MELK: variants seen among roughly 807,000 people sequenced by gnomAD.
MELK encodes the protein pEg3 kinase.
Under a neutral mutation model 85.0 loss-of-function variants are expected in MELK, and 81 were observed. The ratio of observed to expected loss-of-function variants is 0.95; its 90% CI spans 0.80 to 1.15. MELK has a LOEUF of 1.15. Ranked by LOEUF, MELK falls within the 50% of genes most tolerant of loss-of-function variation. The pLI is 0.00. For synonymous variants in MELK, 252 were observed against 265.0 expected (o/e 0.95, Z 0.48); for missense variants, 754 against 777.5 (o/e 0.97, Z 0.36).
chr9:36,672,869 C>A (rs6476569), intron 16 of MELK, among the ~76,000 whole-genome samples: 4,313 of 152,248 alleles, frequency 0.028, 200 homozygotes, highest in African/African-American at 0.098. Context: ...TTAGCACAGT[C>A]CTAAGATTGA....
intron 11 of MELK, among the ~76,000 whole-genome samples, chr9:36,645,316 T>TTTTTTTTTTTTTTTTTTTTTTTTGAGAC (rs1830129981): frequency 1.3e-5 from 2 of 151,348 alleles, no homozygotes; most frequent in African/African-American, 4.9e-5. Context: ...AAAAAGTCTT[T>TTTTTTTTTTTTTTTTTTTTTTTTGAGAC]AAAATGGTAT....
chr9:36,577,448 G>A (rs1306075737), intron 1 of MELK, among the ~76,000 whole-genome samples: 1 of 152,002 alleles, frequency 6.6e-6, no homozygotes, highest in African/African-American at 2.4e-5. Context: ...CCTGGGAGGC[G>A]CAGGTTGCAG....
intron 10 of MELK, among the ~76,000 whole-genome samples, chr9:36,638,592 C>T (rs576640053): frequency 7.9e-5 from 12 of 152,180 alleles, no homozygotes; most frequent in African/African-American, 2.9e-4. Flanking sequence ...GCCTCCCTTA[C>T]ATCTTAATTT....
chr9:36,616,435 G>C (rs1826808600), intron 8 of MELK, among the ~76,000 whole-genome samples: 1 of 143,806 alleles, frequency 7.0e-6, no homozygotes, highest in Non-Finnish European at 1.5e-5. Context: ...TGTCACCCAG[G>C]CTGGAGTGCA....
chr9:36,618,098 C>T (rs1485577836), intron 8 of MELK, among the ~76,000 whole-genome samples: 1 of 151,602 alleles, frequency 6.6e-6, no homozygotes, highest in East Asian at 1.9e-4. Context: ...CATTGCATTC[C>T]AGCCCAGGCC....
intron 3 of MELK, among the ~76,000 whole-genome samples, chr9:36,588,791 T>A (rs1445999012): frequency 6.6e-6 from 1 of 152,178 alleles, no homozygotes; most frequent in Non-Finnish European, 1.5e-5. Flanking sequence ...CCCAACTTTT[T>A]ATTTTGAAAG....
chr9:36,575,890 A>G (rs1368804015), intron 1 of MELK, among the ~76,000 whole-genome samples: 2 of 152,152 alleles, frequency 1.3e-5, no homozygotes, highest in East Asian at 1.9e-4. Context: ...CTCCATTTCC[A>G]TTCTCCTGCT....
intron 10 of MELK, among the ~76,000 whole-genome samples, chr9:36,634,745 A>G (rs954688609): frequency 1.3e-5 from 2 of 151,996 alleles, no homozygotes; most frequent in Non-Finnish European, 2.9e-5. Flanking sequence ...CACATCTGTA[A>G]TCCCAGCACT....
chr9:36,659,550 C>T (rs1022685501), intron 13 of MELK, among the ~76,000 whole-genome samples: 1 of 152,124 alleles, frequency 6.6e-6, no homozygotes, highest in Non-Finnish European at 1.5e-5. Flanking sequence ...ATTATAATAT[C>T]ATATTTTTAC....
rs1414722108 is a variant in MELK, at chr9:36,589,532, A to G, written c.145-4A>G. 2 of 1,607,418 alleles carry G rather than the reference A, an allele frequency of 1.2e-6. No homozygotes were observed. Among genetic ancestry groups the G allele is most frequent in the Non-Finnish European group, 1.7e-6 (2 of 1,174,084 alleles). On this transcript the variant is annotated splice_region_variant and splice_polypyrimidine_tract_variant and intron_variant, in intron 3 of 17. Transcript: ENST00000298048. ...TGCTCATTCCATATGATGTTTTGTC[A>G]CAGAGTGATTTGCCCCGGATCAAAA...
chr9:36,660,585 G>A (rs1355228537), intron 13 of MELK, among the ~76,000 whole-genome samples: 1 of 151,988 alleles, frequency 6.6e-6, no homozygotes, highest in Non-Finnish European at 1.5e-5. Context: ...GCCTCCCAAA[G>A]TGCTGGGATT....
intron 10 of MELK, among the ~76,000 whole-genome samples, chr9:36,640,180 T>C (rs1282204862): frequency 6.6e-6 from 1 of 152,204 alleles, no homozygotes; most frequent in Non-Finnish European, 1.5e-5. Context: ...TGTGACAAAA[T>C]ACCATAAATT....
intron 3 of MELK, among the ~76,000 whole-genome samples, chr9:36,584,769 GTGCAGT>G (rs2135132775): frequency 6.8e-6 from 1 of 147,488 alleles, no homozygotes; most frequent in South Asian, 2.1e-4. Flanking sequence ...CCAGGCTGGA[GTGCAGT>G]TGCACAATCA....
chr9:36,622,455 C>T (rs1040723040), intron 8 of MELK, among the ~76,000 whole-genome samples: 2 of 152,178 alleles, frequency 1.3e-5, no homozygotes, highest in African/African-American at 2.4e-5. Context: ...AGGCAGACTT[C>T]GTTTATCTTT....
chr9:36,662,591 A>G (rs1274971915), intron 13 of MELK, among the ~76,000 whole-genome samples: 4 of 152,322 alleles, frequency 2.6e-5, no homozygotes, highest in African/African-American at 9.6e-5. Context: ...AAGGCCTTAG[A>G]ACACTTAATC....
At chr9:36,588,054 A>G (rs1823124139) in intron 3 of MELK, among the ~76,000 whole-genome samples, 1 of 150,778 alleles carries the variant, frequency 6.6e-6, no homozygotes, top group Non-Finnish European at 1.5e-5. Flanking sequence ...GGTGTGAGCC[A>G]CCACACCCAA....
At chr9:36,585,962 T>C (rs1420770688) in intron 3 of MELK, among the ~76,000 whole-genome samples, 4 of 152,112 alleles carry the variant, frequency 2.6e-5, no homozygotes, top group African/African-American at 9.7e-5. Context: ...TTGATGTTTT[T>C]ATTGTTGGAA....
chr9:36,638,442 C>T (rs918840324), intron 10 of MELK, among the ~76,000 whole-genome samples: 13 of 151,982 alleles, frequency 8.6e-5, no homozygotes, highest in African/African-American at 2.4e-4. Flanking sequence ...TGCGCCACCA[C>T]GCCCAGCTAA....
At chr9:36,630,194 G>C in intron 8 of MELK, 105 bp from the exon 9 acceptor site, 1 of 818,640 alleles carries the variant, frequency 1.2e-6, no homozygotes, top group Non-Finnish European at 2.1e-6. Flanking sequence ...ATTGTAGTTG[G>C]GTGAAGTCTT....
Sources: gnomAD v4.1 joint callset for allele counts (sites outside exome capture counted in the v4.1 genomes callset) on GRCh38, gnomAD v4.1.1 for gene constraint, MANE v1.5 for transcripts, NCBI Gene and HGNC (gene_info 2026-07-23, HGNC 2026-07-21) for gene names.